The following SEMA5B variants were observed in gnomAD, a reference collection of about 807,000 sequenced individuals.
SEMA5B encodes semaphorin-5B.
Under a neutral mutation model 135.0 loss-of-function variants are expected in SEMA5B, and 66 were observed. The ratio of observed to expected loss-of-function variants is 0.49; its 90% CI spans 0.40 to 0.60. The LOEUF (loss-of-function observed/expected upper bound fraction) is 0.60, where lower values mean the gene tolerates loss of function less well. Among genes scored for constraint, SEMA5B ranks in the 20% least tolerant of loss-of-function variants. The pLI, the probability that SEMA5B is intolerant of heterozygous loss-of-function variation, is 0.00. For synonymous variants in SEMA5B, 690 were observed against 639.5 expected (o/e 1.08, Z -1.19); for missense variants, 1,501 against 1,566.3 (o/e 0.96, Z 0.70).
intron 1 of SEMA5B, among the ~76,000 whole-genome samples, chr3:122,966,508 C>T (rs1009886092): frequency 6.6e-6 from 1 of 151,626 alleles, no homozygotes; most frequent in African/African-American, 2.4e-5. Context: ...GGAGTGCCAA[C>T]TCAGCATGGA....
Position 123,015,871 on chromosome 3 carries a change from A to G in SEMA5B, c.-39+11593T>C, listed in dbSNP as rs142800465. On this transcript the variant is annotated intron_variant, in intron 1 of 22. Coordinates refer to ENST00000357599, the MANE Select transcript of SEMA5B (RefSeq NM_001031702.4). ...CACATTCCCAGCCTGGCTTGACACCAGCAACTTGAGATTCTTACCTATTTA... is the reference window on the plus strand; with the variant it reads ...CACATTCCCAGCCTGGCTTGACACCGGCAACTTGAGATTCTTACCTATTTA... Among the ~76,000 whole-genome samples, 591 of 152,280 alleles carry G rather than the reference A, an allele frequency of 3.9e-3. 7 individuals carry two copies. The highest frequency in any genetic ancestry group is 0.011 in the African/African-American group (440 of 41,556).
intron 3 of SEMA5B, 134 bp downstream of exon 3, chr3:122,948,372 C>T: frequency 4.5e-6 from 3 of 665,414 alleles, no homozygotes; most frequent in South Asian, 3.1e-5. Context: ...AGTCTCAGGA[C>T]CCCGGGACGG....
chr3:122,937,704 A>G (rs1179373800), intron 5 of SEMA5B, among the ~76,000 whole-genome samples: 1 of 152,186 alleles, frequency 6.6e-6, no homozygotes, highest in Non-Finnish European at 1.5e-5. Context: ...CACCAGGTCA[A>G]CACTGACCTG....
chr3:122,963,546 G>A (rs1030641190), intron 1 of SEMA5B, among the ~76,000 whole-genome samples: 7 of 151,898 alleles, frequency 4.6e-5, no homozygotes, highest in Non-Finnish European at 1.0e-4. Context: ...TGTGATATAA[G>A]TGGCTGATTT....
At chr3:122,952,028 C>G (rs73193899) in intron 2 of SEMA5B, among the ~76,000 whole-genome samples, 4 of 152,334 alleles carry the variant, frequency 2.6e-5, no homozygotes, top group African/African-American at 7.2e-5. Context: ...CTTCTCCCCC[C>G]ACTCCCTCCC....
At position 122,961,166 on chromosome 3, in the gene SEMA5B, C is replaced by G. The variant is rs1247913306; in HGVS notation, c.98G>C (p.Gly33Ala). 3 of 1,613,436 alleles carry G rather than the reference C, an allele frequency of 1.9e-6. No homozygotes were observed. Among genetic ancestry groups the G allele is most frequent in the African/African-American group, 1.3e-5 (1 of 74,988 alleles). ...AQQLRCGWTV[G>A]GWLLSLVRGL... ...CCTGACCAGTGAGAGAAGCCAGCCC[C>G]CTACTGTCCATCCACACCTTAGCTG... The change falls in exon 2 of 23, where the codon GGG becomes GCG. Residue 33 changes from glycine to alanine, a missense_variant. Coordinates refer to ENST00000357599, the MANE Select transcript of SEMA5B (RefSeq NM_001031702.4).
chr3:123,021,610 G>A (rs1178209845), intron 1 of SEMA5B, among the ~76,000 whole-genome samples: 1 of 152,192 alleles, frequency 6.6e-6, no homozygotes, highest in Non-Finnish European at 1.5e-5. Flanking sequence ...GGGAGCTATG[G>A]CTCAGGTAGA....
At chr3:123,006,327 C>T (rs2107776732) in intron 1 of SEMA5B, among the ~76,000 whole-genome samples, 1 of 152,282 alleles carries the variant, frequency 6.6e-6, no homozygotes, top group South Asian at 2.1e-4. Context: ...AAGAAATGTC[C>T]TTCCTTTCCT....
chr3:122,960,629 A>G (rs1195771233), intron 2 of SEMA5B, among the ~76,000 whole-genome samples: 1 of 152,260 alleles, frequency 6.6e-6, no homozygotes, highest in East Asian at 1.9e-4. Flanking sequence ...ACAATGGAAT[A>G]TTATTCAGCC....
intron 18 of SEMA5B, 119 bp downstream of exon 18, chr3:122,912,724 T>A (rs554335486): frequency 1.0e-6 from 1 of 992,628 alleles, no homozygotes; most frequent in East Asian, 2.6e-5. Flanking sequence ...TAGCACAGAG[T>A]TGGCAGGGAG....
intron 3 of SEMA5B, among the ~76,000 whole-genome samples, chr3:122,944,227 C>T (rs1939688189): frequency 6.6e-6 from 1 of 152,204 alleles, no homozygotes; most frequent in Non-Finnish European, 1.5e-5. Context: ...AAACTCTCCA[C>T]CCCAGCCACA....
chr3:122,925,856 G>A (rs1938603858), intron 9 of SEMA5B, among the ~76,000 whole-genome samples: 1 of 151,594 alleles, frequency 6.6e-6, no homozygotes, highest in Admixed American at 6.6e-5. Flanking sequence ...TACACAGAGG[G>A]AGGGGGTGGG....
At chr3:122,956,629 A>C (rs1034815642) in intron 2 of SEMA5B, among the ~76,000 whole-genome samples, 6 of 152,002 alleles carry the variant, frequency 3.9e-5, no homozygotes, top group Non-Finnish European at 8.8e-5. Context: ...ACAGAGCGCA[A>C]ACCAGTCTCC....
At chr3:122,910,678 C>T (rs532526550) in intron 22 of SEMA5B, among the ~76,000 whole-genome samples, 162 bp downstream of exon 22, 3 of 151,266 alleles carry the variant, frequency 2.0e-5, no homozygotes, top group African/African-American at 4.8e-5. Context: ...GGCGTAGTGG[C>T]GGGCGCCTGT....
At position 122,935,686 on chromosome 3, in the gene SEMA5B, CTTTTTTTTTTTTT is replaced by C. The variant is rs147968317; in HGVS notation, c.474+3726_474+3738del. On this transcript the variant is annotated intron_variant, in intron 5 of 22. Coordinates refer to ENST00000357599, the MANE Select transcript of SEMA5B (RefSeq NM_001031702.4). ...CACTTTTTTTTCTTTTTCTTTCTTTCTTTTTTTTTTTTTTTTTTTTTTTTGACAGATTCTCGCT... is the reference window on the plus strand; with the variant it reads ...CACTTTTTTTTCTTTTTCTTTCTTTCTTTTTTTTTTTGACAGATTCTCGCT... Among the ~76,000 whole-genome samples the C allele has an allele frequency of 1.7e-3, 117 of 70,272 alleles. 3 individuals are homozygous for C. In the East Asian group the frequency reaches 0.038, roughly 23 times the overall value. 46.1% of individuals were successfully genotyped at this position (70,272 alleles called of 152,430 possible). A position where few individuals can be genotyped will look rare whatever the true frequency, so the allele number is the denominator to read the frequency against.
chr3:122,960,461 TCCACTTCTGGGTATATAC>T (rs1164143937), intron 2 of SEMA5B, among the ~76,000 whole-genome samples: 1 of 152,220 alleles, frequency 6.6e-6, no homozygotes, highest in Non-Finnish European at 1.5e-5. Flanking sequence ...ATCCAGCAAT[TCCACTTCTGGGTATATAC>T]CCACAAGAAC....
At chr3:122,996,883 C>T (rs1326992082) in intron 1 of SEMA5B, among the ~76,000 whole-genome samples, 1 of 152,186 alleles carries the variant, frequency 6.6e-6, no homozygotes, top group Admixed American at 6.5e-5. Context: ...ATGCAGGGAG[C>T]CCCTGGTTTC....
chr3:122,966,393 A>T (rs1244474529), intron 1 of SEMA5B, among the ~76,000 whole-genome samples: 1 of 152,166 alleles, frequency 6.6e-6, no homozygotes, highest in East Asian at 1.9e-4. Flanking sequence ...ATAGTCCCAG[A>T]AGTCTGTAGT....
intron 1 of SEMA5B, among the ~76,000 whole-genome samples, chr3:122,982,841 C>G (rs113597378): frequency 3.6e-4 from 55 of 152,240 alleles, no homozygotes; most frequent in Non-Finnish European, 6.9e-4. Flanking sequence ...TCCCTCGGGC[C>G]TAGGGCCAGA....
Sources: gnomAD v4.1 joint callset for allele counts (sites outside exome capture counted in the v4.1 genomes callset) on GRCh38, gnomAD v4.1.1 for gene constraint, MANE v1.5 for transcripts, NCBI Gene and HGNC (gene_info 2026-07-23, HGNC 2026-07-21) for gene names.